EMC3: variants seen among roughly 807,000 people sequenced by gnomAD.
EMC3 encodes the protein ER membrane protein complex subunit 3.
In EMC3, 13 loss-of-function variants were observed where a neutral mutation model predicts 36.6. The ratio of observed to expected loss-of-function variants is 0.35; its 90% CI spans 0.23 to 0.56. The LOEUF is 0.56. Ranked by LOEUF, EMC3 falls within the 20% of genes least tolerant of loss-of-function variation. EMC3 has a pLI of 0.84. For missense variants in EMC3, 220 were observed against 324.5 expected (o/e 0.68, Z 2.47); for synonymous variants, 120 against 111.9 (o/e 1.07, Z -0.46).
chr3:9,972,930 G>C (rs1306480346), intron 5 of EMC3, among the ~76,000 whole-genome samples: 1 of 149,396 alleles, frequency 6.7e-6, no homozygotes, highest in Admixed American at 6.7e-5. Context: ...CTGGGTTCAT[G>C]CCATTCTCCT....
chr3:9,990,321 T>TTCTC (rs1559355838), upstream of EMC3, among the ~76,000 whole-genome samples: 27 of 138,632 alleles, frequency 1.9e-4, no homozygotes, highest in African/African-American at 7.1e-4. Flanking sequence ...TGCCGGGCCT[T>TTCTC]TCTCTTTTTT....
chr3:9,970,745 T>G (rs776642322), intron 5 of EMC3, 84 bp from the exon 6 acceptor site: 2 of 1,417,264 alleles, frequency 1.4e-6, no homozygotes, highest in Non-Finnish European at 2.0e-6. Context: ...CCCAAAGTTG[T>G]TCAGTGTTTG....
upstream of EMC3, among the ~76,000 whole-genome samples, chr3:9,990,593 T>A (rs1309940256): frequency 6.6e-6 from 1 of 151,934 alleles, no homozygotes; most frequent in East Asian, 1.9e-4. Context: ...CACTGCAACC[T>A]CTGGCCCCTG....
intron 7 of EMC3, among the ~76,000 whole-genome samples, chr3:9,965,423 T>TAGAC (rs938980597): frequency 3.4e-4 from 47 of 137,112 alleles, no homozygotes; most frequent in East Asian, 3.3e-3. Context: ...CCTCGATAGA[T>TAGAC]AGATAGATAG....
chr3:9,996,684 CAT>C (rs577399156), intron 1 of EMC3, among the ~76,000 whole-genome samples: 27 of 152,180 alleles, frequency 1.8e-4, no homozygotes, highest in African/African-American at 5.8e-4. Context: ...AAATTCAAAA[CAT>C]ATAGAAGAGT....
At chr3:9,978,882 T>C (rs977369676) in intron 1 of EMC3, among the ~76,000 whole-genome samples, 27 of 152,144 alleles carry the variant, frequency 1.8e-4, no homozygotes, top group Admixed American at 1.6e-3. Context: ...CTTGGCTTCC[T>C]GTCTCTACTC....
chr3:9,971,746 G>T (rs763463647), intron 5 of EMC3, among the ~76,000 whole-genome samples: 3 of 152,210 alleles, frequency 2.0e-5, no homozygotes, highest in Non-Finnish European at 4.4e-5. Flanking sequence ...TTCTCTAGCA[G>T]AACTGTGCAT....
chr3:9,966,612 C>T (rs890370460), intron 7 of EMC3, among the ~76,000 whole-genome samples: 3 of 151,646 alleles, frequency 2.0e-5, no homozygotes, highest in African/African-American at 7.3e-5. Context: ...TCTTGGCTCA[C>T]TGCAACCTCT....
rs2085709380 is a variant in EMC3, at chr3:9,963,522, T to C, written c.*547A>G. Reference sequence around the variant, plus strand: ...TGGAGTTTTGCTCTGTCGCCCAGGCTGGAGCGCAGTGGCACGATGTCAGCT... The same window carrying C: ...TGGAGTTTTGCTCTGTCGCCCAGGCCGGAGCGCAGTGGCACGATGTCAGCT... On this transcript the variant is annotated 3_prime_UTR_variant, in exon 8 of 8. Transcript: ENST00000245046. 1.4e-5 allele frequency: 2 copies of C among 144,500 alleles called. No homozygotes were observed. The highest frequency in any genetic ancestry group is 1.4e-4 in the Admixed American group (2 of 14,136). 9.0% of individuals were successfully genotyped at this position (144,500 alleles called of 1,614,324 possible). A position where few individuals can be genotyped will look rare whatever the true frequency, so the allele number is the denominator to read the frequency against.
upstream of EMC3, chr3:9,987,729 AT>A: frequency 7.2e-6 from 3 of 417,734 alleles, no homozygotes; most frequent in South Asian, 7.1e-5. Flanking sequence ...GAAATTTTGG[AT>A]ATGACATTCT....
upstream of EMC3, among the ~76,000 whole-genome samples, chr3:9,989,666 T>G (rs1165931037): frequency 6.6e-6 from 1 of 152,240 alleles, no homozygotes. Flanking sequence ...GTGAGAAATA[T>G]CAAAGTACTC....
intron 1 of EMC3, among the ~76,000 whole-genome samples, chr3:9,997,605 G>A (rs1218654475): frequency 1.3e-5 from 2 of 151,972 alleles, no homozygotes; most frequent in African/African-American, 4.8e-5. Flanking sequence ...GATTACAGGC[G>A]TGCACCACCA....
At chr3:9,969,618 T>G (rs1435994641) in intron 7 of EMC3, 101 bp downstream of exon 7, 2 of 1,585,106 alleles carry the variant, frequency 1.3e-6, no homozygotes, top group Admixed American at 3.6e-5. Flanking sequence ...ATTAAAACGA[T>G]GGAACCACAC....
At chr3:9,969,697 T>G in intron 7 of EMC3, 22 bp downstream of exon 7, 1 of 1,614,152 alleles carries the variant, frequency 6.2e-7, no homozygotes, top group Non-Finnish European at 8.5e-7. Context: ...TTGCTGCAGC[T>G]TTGAAAGGTG....
In EMC3 at chr3:9,986,507, C is replaced by G. The variant is rs768363399; in HGVS notation, c.155G>C (p.Ser52Thr). Reference sequence around the variant, plus strand: ...AGGCTGGAGAAGGGAGGGCGCTGACCTGTCAGATACTTGTTCCTGGGTGAG... The same window carrying G: ...AGGCTGGAGAAGGGAGGGCGCTGACGTGTCAGATACTTGTTCCTGGGTGAG... The part of the protein sequence containing the change: ...KKLTQEQVSD[S>T]QVLIRSRVLR... Residue 52 changes from serine to threonine, a missense_variant and splice_region_variant, in exon 1 of 8, where the codon AGT becomes ACT. By Grantham distance (58) the Ser-to-Thr change is moderately conservative (BLOSUM62 1). Around this residue, in one of 3 missense-constraint regions of EMC3, gnomAD observed 127 missense variants for 174.6 expected, o/e 0.73. Coordinates refer to ENST00000245046, the MANE Select transcript of EMC3 (RefSeq NM_001394674.1). 1.2e-6 allele frequency: 2 copies of G among 1,614,002 alleles called. No individual in the cohort carries two copies. Among genetic ancestry groups the G allele is most frequent in the Non-Finnish European group, 8.5e-7 (1 of 1,179,936 alleles).
At chr3:9,971,320 T>C (rs748112915) in intron 5 of EMC3, among the ~76,000 whole-genome samples, 9 of 152,224 alleles carry the variant, frequency 5.9e-5, no homozygotes, top group Non-Finnish European at 1.3e-4. Flanking sequence ...ACTATATCAC[T>C]GAGGCTTCCT....
chr3:9,988,434 C>T (rs188446898), upstream of EMC3: 24 of 1,358,252 alleles, frequency 1.8e-5, no homozygotes, highest in Admixed American at 4.0e-4. Context: ...GTAATAAAGT[C>T]AGCTATTAGA....
chr3:10,000,837 C>A, intron 1 of EMC3: 2 of 489,012 alleles, frequency 4.1e-6, no homozygotes, highest in South Asian at 2.9e-5. Flanking sequence ...CTGTCTTCCG[C>A]CCGAAGAGAC....
upstream of EMC3, chr3:9,987,953 T>C (rs1036001953): frequency 1.3e-5 from 14 of 1,041,448 alleles, no homozygotes; most frequent in African/African-American, 3.1e-5. Flanking sequence ...CATTGTGTTT[T>C]GCCATCACTG....
Sources: allele counts gnomAD v4.1 joint callset (sites outside exome capture counted in the v4.1 genomes callset), GRCh38; gene constraint gnomAD v4.1.1; regional missense constraint gnomAD v4.1.1; transcripts MANE v1.5; gene names NCBI Gene and HGNC (gene_info 2026-07-23, HGNC 2026-07-21).